CORO2B: variants seen among roughly 807,000 people sequenced by gnomAD.
The protein encoded by CORO2B is coronin-2B.
CORO2B carries 26 observed loss-of-function variants against 58.8 expected under a neutral mutation model. The ratio of observed to expected loss-of-function variants is 0.44; its 90% CI spans 0.32 to 0.61. The LOEUF is 0.61. CORO2B is among the 20% of genes least tolerant of loss of function. CORO2B has a pLI of 0.04. For missense variants in CORO2B, 460 were observed against 645.1 expected, an observed-to-expected ratio of 0.71 and a Z score of 3.11; for synonymous variants, 242 against 253.8, an observed-to-expected ratio of 0.95 and a Z score of 0.44.
chr15:68,726,876 A>G lies in CORO2B; in HGVS notation c.*902A>G, dbSNP rs556738145. ...GCCCAAGTCTCTATGGAGAATGAGA[A>G]CTGGAAGCCACTGCTACCGTCTACC... On this transcript the variant is annotated 3_prime_UTR_variant, in exon 12 of 12. Transcript: ENST00000261861. 35 of 152,340 alleles carry G rather than the reference A, an allele frequency of 2.3e-4. No homozygotes were observed. Among genetic ancestry groups the G allele is most frequent in the African/African-American group, 7.5e-4 (31 of 41,548 alleles). The allele number at this position is 152,340 out of a possible 1,614,324, so 9.4% of individuals were successfully genotyped here. A position where few individuals can be genotyped will look rare whatever the true frequency, so the allele number is the denominator to read the frequency against.
At chr15:68,667,485 C>T (rs1389838637) in intron 2 of CORO2B, among the ~76,000 whole-genome samples, 1 of 152,244 alleles carries the variant, frequency 6.6e-6, no homozygotes, top group Non-Finnish European at 1.5e-5. Context: ...AGCCAGAGTT[C>T]AGCCCAAATA....
chr15:68,658,168 A>G (rs1351981244), intron 2 of CORO2B, among the ~76,000 whole-genome samples: 1 of 152,234 alleles, frequency 6.6e-6, no homozygotes, highest in Admixed American at 6.5e-5. Context: ...AGGTCTCGCC[A>G]GCTCTGACAT....
chr15:68,531,750 C>G, the CORO2B span, among the ~76,000 whole-genome samples: 3 of 151,038 alleles, frequency 2.0e-5, no homozygotes, highest in Non-Finnish European at 4.4e-5. Context: ...TTTTAATGCT[C>G]TCTATTGTTT....
Position 68,595,650 on chromosome 15 carries a change from A to G in CORO2B, c.15+16373A>G, listed in dbSNP as rs373958764. Among the ~76,000 whole-genome samples the G allele has an allele frequency of 2.6e-5, 4 of 152,150 alleles. No homozygotes were observed. The East Asian group carries it at 7.7e-4, about 29-fold the overall frequency. Reference sequence around the variant, plus strand: ...ATGAGTGGTAAAGTTAATAACAGTTATTATCACTAGACCAATCCAAATCTT... The same window carrying G: ...ATGAGTGGTAAAGTTAATAACAGTTGTTATCACTAGACCAATCCAAATCTT... On this transcript the variant is annotated intron_variant, in intron 1 of 11. Coordinates refer to ENST00000261861, the MANE Select transcript of CORO2B (RefSeq NM_006091.5).
chr15:68,726,375 C>A lies in CORO2B; in HGVS notation c.*401C>A. 3.7e-6 allele frequency: 1 copy of A among 271,418 alleles called. No individual in the cohort carries two copies. 16.8% of individuals were successfully genotyped at this position (271,418 alleles called of 1,614,324 possible). Reference sequence around the variant, plus strand: ...GGGCTGCCAGGACATCTCAGCACTCCCGCCTGGAGCTCTCAGCATCACTGA... The same window carrying A: ...GGGCTGCCAGGACATCTCAGCACTCACGCCTGGAGCTCTCAGCATCACTGA... On this transcript the variant is annotated 3_prime_UTR_variant, in exon 12 of 12. Coordinates refer to ENST00000261861, the MANE Select transcript of CORO2B (RefSeq NM_006091.5).
the CORO2B span, among the ~76,000 whole-genome samples, chr15:68,527,336 C>T: frequency 8.6e-5 from 13 of 151,924 alleles, no homozygotes; most frequent in East Asian, 9.6e-4. Flanking sequence ...TTTTATCTTC[C>T]ACCTTTAGAT....
rs933307392 is a variant in CORO2B at position 68,693,430 on chromosome 15, G to T, written c.217-1710G>T. Among the ~76,000 whole-genome samples, 6 of 152,256 alleles carry T rather than the reference G, an allele frequency of 3.9e-5. No individual in the cohort carries two copies. The South Asian group carries it at 6.2e-4, about 16-fold the overall frequency. On this transcript the variant is annotated intron_variant, in intron 2 of 11. Coordinates refer to ENST00000261861, the MANE Select transcript of CORO2B (RefSeq NM_006091.5). ...TGATGAGGAATCTGAAGGAGACAGC[G>T]GTATAACCTCCTAGACTTCCCTCTT...
intron 2 of CORO2B, among the ~76,000 whole-genome samples, chr15:68,656,184 G>A (rs1456493231): frequency 1.4e-4 from 2 of 13,810 alleles, no homozygotes; most frequent in African/African-American, 5.5e-4. Context: ...CCCGCCCCCC[G>A]ACCCAACCAA....
At chr15:68,618,938 G>A (rs915733435) in intron 1 of CORO2B, among the ~76,000 whole-genome samples, 3 of 152,142 alleles carry the variant, frequency 2.0e-5, no homozygotes, top group Admixed American at 6.5e-5. Context: ...GGGAAGTGAC[G>A]TGATCAAAAA....
chr15:68,679,026 G>A (rs923232213), intron 2 of CORO2B, among the ~76,000 whole-genome samples: 5 of 152,254 alleles, frequency 3.3e-5, no homozygotes, highest in African/African-American at 1.2e-4. Flanking sequence ...GTCAGGCAGA[G>A]TGAGGGCCTT....
At chr15:68,625,932 G>A (rs1311985429) in intron 1 of CORO2B, among the ~76,000 whole-genome samples, 3 of 152,154 alleles carry the variant, frequency 2.0e-5, no homozygotes, top group East Asian at 1.9e-4. Flanking sequence ...AGAGTCATCC[G>A]TGGTGTTGTG....
At chr15:68,626,462 T>A (rs1381482633) in intron 1 of CORO2B, among the ~76,000 whole-genome samples, 1 of 152,204 alleles carries the variant, frequency 6.6e-6, no homozygotes, top group Non-Finnish European at 1.5e-5. Context: ...GACCTGTGGC[T>A]TATGTGGTCC....
the CORO2B span, among the ~76,000 whole-genome samples, chr15:68,544,832 G>A: frequency 2.3e-4 from 35 of 150,714 alleles, no homozygotes; most frequent in Non-Finnish European, 3.8e-4. Context: ...GCTGGAGTGC[G>A]ACGGCACAAT....
chr15:68,717,975 CAG>C (rs376625577), intron 8 of CORO2B, among the ~76,000 whole-genome samples: 17 of 152,182 alleles, frequency 1.1e-4, no homozygotes, highest in African/African-American at 4.1e-4. Context: ...ACTGGAAGCT[CAG>C]AGAGTTGTAA....
chr15:68,609,878 C>T (rs1395956857), intron 1 of CORO2B, among the ~76,000 whole-genome samples: 1 of 152,108 alleles, frequency 6.6e-6, no homozygotes, highest in Non-Finnish European at 1.5e-5. Context: ...GAGCACGAAG[C>T]GGTCTGGTTC....
chr15:68,670,280 T>C (rs902923826), intron 2 of CORO2B, among the ~76,000 whole-genome samples: 8 of 152,046 alleles, frequency 5.3e-5, no homozygotes, highest in African/African-American at 1.7e-4. Flanking sequence ...GTTTAAGCTA[T>C]CCTACCACCT....
chr15:68,603,930 T>C (rs541025768), intron 1 of CORO2B, among the ~76,000 whole-genome samples: 3 of 152,226 alleles, frequency 2.0e-5, no homozygotes, highest in African/African-American at 7.2e-5. Flanking sequence ...AAGAGTGCCA[T>C]GTTGTAGAAT....
chr15:68,561,228 C>A, the CORO2B span, among the ~76,000 whole-genome samples: 1 of 152,148 alleles, frequency 6.6e-6, no homozygotes, highest in South Asian at 2.1e-4. Context: ...GAGGGCTGGG[C>A]TGGGACAGTG....
At position 68,645,840 on chromosome 15, in the gene CORO2B, C is replaced by T. The variant is rs886380449; in HGVS notation, c.216+480C>T. Among the ~76,000 whole-genome samples the T allele has an allele frequency of 2.6e-5, 4 of 152,126 alleles. No homozygotes were observed. Among genetic ancestry groups the T allele is most frequent in the Admixed American group, 2.0e-4 (3 of 15,290 alleles). ...CCAGGCTGAAGTTCAATGGCGCGAT[C>T]TCGGCTCACTGCAACCTCTGCCTCC... On this transcript the variant is annotated intron_variant, in intron 2 of 11. Transcript: ENST00000261861. This position sits in a 1 kb window ranked among gnomAD's most constrained non-coding sequence, Gnocchi z 4.5.
Sources: allele counts gnomAD v4.1 joint callset (sites outside exome capture counted in the v4.1 genomes callset), GRCh38; gene constraint gnomAD v4.1.1; non-coding constraint Gnocchi (gnomAD v3.1); transcripts MANE v1.5; gene names NCBI Gene and HGNC (gene_info 2026-07-23, HGNC 2026-07-21).